Variants in BABAM2 observed in about 807,000 individuals in gnomAD.
BABAM2 encodes BRISC and BRCA1 A complex member 2.
In BABAM2, 31 loss-of-function variants were observed where a neutral mutation model predicts 54.7. The ratio of observed to expected loss-of-function variants is 0.57; its 90% CI spans 0.43 to 0.77. BABAM2 has a LOEUF of 0.77. BABAM2 is among the 30% of genes least tolerant of loss of function. The pLI, the probability that BABAM2 is intolerant of heterozygous loss-of-function variation, is 0.00. For synonymous variants in BABAM2, 167 were observed against 162.9 expected (o/e 1.03, Z -0.19); for missense variants, 364 against 455.8 (o/e 0.80, Z 1.83).
intron 6 of BABAM2, among the ~76,000 whole-genome samples, chr2:28,094,657 T>C (rs1573565038): frequency 1.3e-5 from 2 of 152,196 alleles, no homozygotes; most frequent in South Asian, 2.1e-4. Flanking sequence ...AAGATATACA[T>C]TGAAAAAAAT....
At chr2:28,105,672 C>G (rs1216857972) in intron 6 of BABAM2, among the ~76,000 whole-genome samples, 1 of 152,208 alleles carries the variant, frequency 6.6e-6, no homozygotes, top group Non-Finnish European at 1.5e-5. Context: ...AGCACCCAGA[C>G]AGAAATAAGC....
intron 10 of BABAM2, among the ~76,000 whole-genome samples, chr2:28,288,089 A>G (rs969853546): frequency 6.6e-6 from 1 of 152,180 alleles, no homozygotes; most frequent in Non-Finnish European, 1.5e-5. Flanking sequence ...GGTTGGAAGC[A>G]TGCAGAGTTC....
At chr2:28,175,604 G>T (rs1393399570) in intron 7 of BABAM2, among the ~76,000 whole-genome samples, 1 of 152,236 alleles carries the variant, frequency 6.6e-6, no homozygotes, top group Non-Finnish European at 1.5e-5. Flanking sequence ...CACCCAGCTT[G>T]TCACAGCCAC....
intron 9 of BABAM2, among the ~76,000 whole-genome samples, chr2:28,244,151 CT>C (rs1288732220): frequency 2.0e-5 from 3 of 152,102 alleles, no homozygotes; most frequent in African/African-American, 7.2e-5. Flanking sequence ...ATCCACCCAT[CT>C]AGTGTTGCTA....
intron 5 of BABAM2, 50 bp from the exon 6 acceptor site, chr2:28,045,675 C>T (rs903396347): frequency 6.7e-7 from 1 of 1,499,210 alleles, no homozygotes; most frequent in Non-Finnish European, 9.1e-7. Context: ...ATTGTCACTT[C>T]ATAATCTATT....
intron 6 of BABAM2, among the ~76,000 whole-genome samples, chr2:28,076,358 A>T (rs1365604421): frequency 1.3e-5 from 2 of 152,128 alleles, no homozygotes; most frequent in African/African-American, 4.8e-5. Flanking sequence ...AACATTTTAG[A>T]TAAAAAATTT....
intron 11 of BABAM2, among the ~76,000 whole-genome samples, chr2:28,319,846 C>T (rs183615461): frequency 7.9e-5 from 12 of 152,354 alleles, no homozygotes; most frequent in Admixed American, 7.8e-4. Flanking sequence ...AATACACTTG[C>T]AGCACAGAGA....
chr2:28,280,734 C>T (rs1055743435), intron 10 of BABAM2, among the ~76,000 whole-genome samples: 11 of 152,292 alleles, frequency 7.2e-5, no homozygotes, highest in Admixed American at 5.2e-4. Context: ...TAAGGTCAAG[C>T]GGTGACTTAG....
chr2:28,239,180 TC>T (rs1422709006), intron 8 of BABAM2, among the ~76,000 whole-genome samples: 1 of 152,240 alleles, frequency 6.6e-6, no homozygotes, highest in Non-Finnish European at 1.5e-5. Context: ...ACATTTCTGA[TC>T]CCGCATTAAG....
chr2:28,138,490 C>T (rs1670738761), intron 7 of BABAM2, among the ~76,000 whole-genome samples: 1 of 152,152 alleles, frequency 6.6e-6, no homozygotes, highest in African/African-American at 2.4e-5. Context: ...GAGAGTAACG[C>T]ACCTTCCCCT....
intron 7 of BABAM2, among the ~76,000 whole-genome samples, chr2:28,129,788 T>A (rs1669869814): frequency 6.6e-6 from 1 of 152,242 alleles, no homozygotes; most frequent in African/African-American, 2.4e-5. Flanking sequence ...TCAAAATATT[T>A]AGCAAAAACT....
At chr2:28,046,314 G>C (rs954620173) in intron 6 of BABAM2, among the ~76,000 whole-genome samples, 1 of 152,056 alleles carries the variant, frequency 6.6e-6, no homozygotes, top group African/African-American at 2.4e-5. Context: ...ACAAATATTA[G>C]CCGGGCATGG....
chr2:27,948,199 T>C (rs1365772140), intron 3 of BABAM2, among the ~76,000 whole-genome samples: 24 of 152,090 alleles, frequency 1.6e-4, no homozygotes, highest in Admixed American at 1.6e-3. Context: ...TATATTTTGA[T>C]GCTGTTGAAA....
intron 7 of BABAM2, among the ~76,000 whole-genome samples, chr2:28,203,975 A>T (rs926733647): frequency 2.0e-5 from 3 of 152,116 alleles, no homozygotes; most frequent in Non-Finnish European, 4.4e-5. Flanking sequence ...GTATTACCCA[A>T]ATTTATCATT....
intron 6 of BABAM2, among the ~76,000 whole-genome samples, chr2:28,083,830 C>A (rs1197475126): frequency 6.6e-6 from 1 of 152,130 alleles, no homozygotes; most frequent in Non-Finnish European, 1.5e-5. Flanking sequence ...TATATTTGGT[C>A]ATTTCGTGAT....
At position 28,235,826 on chromosome 2, in the gene BABAM2, T is replaced by G. The variant is rs148274720; in HGVS notation, c.681-1376T>G. 5.7e-3 allele frequency among the ~76,000 whole-genome samples: 872 copies of G among 152,146 alleles called. 8 individuals carry two copies. The highest frequency in any genetic ancestry group is 0.02 in the African/African-American group (822 of 41,506). ...TGCACCACCATGCCTGGCTAATTTT[T>G]TAATTTTTTTTTTTGTAGAGACGAA... On this transcript the variant is annotated intron_variant, in intron 7 of 11. Transcript: ENST00000379624.
At chr2:28,096,065 C>T (rs1666592592) in intron 6 of BABAM2, among the ~76,000 whole-genome samples, 1 of 151,974 alleles carries the variant, frequency 6.6e-6, no homozygotes, top group Non-Finnish European at 1.5e-5. Flanking sequence ...ACTCCCTGTA[C>T]TCGTTGTCTT....
intron 3 of BABAM2, among the ~76,000 whole-genome samples, chr2:27,963,454 A>C (rs1242554040): frequency 6.9e-6 from 1 of 144,676 alleles, no homozygotes; most frequent in African/African-American, 2.6e-5. Context: ...TGGGTGACAG[A>C]GAAAGACTCT....
chr2:28,218,146 T>C (rs1406909630), intron 7 of BABAM2, among the ~76,000 whole-genome samples: 1 of 152,244 alleles, frequency 6.6e-6, no homozygotes, highest in African/African-American at 2.4e-5. Context: ...ATTTTTTTCC[T>C]AAACTATTTG....
Sources: allele counts gnomAD v4.1 joint callset (sites outside exome capture counted in the v4.1 genomes callset), GRCh38; gene constraint gnomAD v4.1.1; transcripts MANE v1.5; gene names NCBI Gene and HGNC (gene_info 2026-07-23, HGNC 2026-07-21).